Variants in KCTD8 observed in about 807,000 individuals in gnomAD.
KCTD8 encodes the protein potassium channel tetramerization domain containing 8, also known as BTB/POZ domain-containing protein KCTD8.
In KCTD8, 27 loss-of-function variants were observed where a neutral mutation model predicts 31.5. That is an observed-to-expected ratio of 0.86 (90% confidence interval 0.63 to 1.18). The LOEUF is 1.18. Among genes scored for constraint, KCTD8 ranks in the 50% most tolerant of loss-of-function variants. KCTD8 has a pLI of 0.00. For synonymous variants in KCTD8, 290 were observed against 280.0 expected (o/e 1.04, Z -0.36); for missense variants, 658 against 647.7 (o/e 1.02, Z -0.17).
At chr4:44,212,232 G>C (rs1271070960) in intron 1 of KCTD8, among the ~76,000 whole-genome samples, 1 of 152,140 alleles carries the variant, frequency 6.6e-6, no homozygotes, top group Admixed American at 6.5e-5. Context: ...ATCTGAACAA[G>C]GTCAGTGGAT....
chr4:44,424,335 C>T (rs889740308), intron 1 of KCTD8, among the ~76,000 whole-genome samples: 1 of 152,074 alleles, frequency 6.6e-6, no homozygotes, highest in African/African-American at 2.4e-5. Flanking sequence ...ACCAAATGTT[C>T]TCACTCCCAA....
At chr4:44,300,377 G>GC (rs1177168219) in intron 1 of KCTD8, among the ~76,000 whole-genome samples, 1 of 151,848 alleles carries the variant, frequency 6.6e-6, no homozygotes, top group Non-Finnish European at 1.5e-5. Flanking sequence ...ATGAGAAAAC[G>GC]TTTTCTGTAT....
chr4:44,279,523 C>A (rs1716842623), intron 1 of KCTD8, among the ~76,000 whole-genome samples: 1 of 152,020 alleles, frequency 6.6e-6, no homozygotes, highest in African/African-American at 2.4e-5. Flanking sequence ...TACACTGGGT[C>A]CACCAGGATA....
rs779243129 is a variant in KCTD8, at chr4:44,448,025, C to A, written c.499G>T (p.Asp167Tyr). 38 of 1,604,940 alleles carry A rather than the reference C, an allele frequency of 2.4e-5. No homozygotes were observed. The highest frequency in any genetic ancestry group is 3.1e-5 in the Non-Finnish European group (37 of 1,176,212). The change falls in exon 1 of 2, where the codon GAC (aspartate) becomes TAC (tyrosine). Residue 167 changes from aspartate to tyrosine, a missense_variant. Coordinates refer to ENST00000360029, the MANE Select transcript of KCTD8 (RefSeq NM_198353.3). This position sits in a 1 kb window ranked among gnomAD's most constrained non-coding sequence, Gnocchi z 4.1. ...TCGCTGCTACCCTGCGAGACGTTGT[C>A]CTCCAGGTCGCTCTGGCAGCCCTCG... ...NDEGCQSDLE[D>Y]NVSQGSSDAL...
intron 1 of KCTD8, among the ~76,000 whole-genome samples, chr4:44,251,243 T>A (rs1715823037): frequency 6.6e-6 from 1 of 151,734 alleles, no homozygotes; most frequent in Admixed American, 6.6e-5. Flanking sequence ...TTAGTAAGTC[T>A]TACCAGTTAG....
At chr4:44,373,793 T>C (rs2109437986) in intron 1 of KCTD8, among the ~76,000 whole-genome samples, 1 of 152,196 alleles carries the variant, frequency 6.6e-6, no homozygotes, top group Admixed American at 6.5e-5. Context: ...CATGCCACAT[T>C]CCCTTCTAAA....
intron 1 of KCTD8, among the ~76,000 whole-genome samples, chr4:44,323,507 C>CT (rs1553901403): frequency 7.4e-6 from 1 of 135,564 alleles, no homozygotes; most frequent in Non-Finnish European, 1.6e-5. Context: ...CCCACCCCCC[C>CT]CCAAAAAAAA....
chr4:44,385,749 TAAAC>T (rs1720196676), intron 1 of KCTD8, among the ~76,000 whole-genome samples: 1 of 151,530 alleles, frequency 6.6e-6, no homozygotes, highest in African/African-American at 2.4e-5. Context: ...CATGATAAAA[TAAAC>T]AGATGAAAAG....
intron 1 of KCTD8, among the ~76,000 whole-genome samples, chr4:44,270,013 C>T (rs1716530777): frequency 6.6e-6 from 1 of 152,044 alleles, no homozygotes; most frequent in Admixed American, 6.5e-5. Flanking sequence ...ACTAGAAATA[C>T]CATTTGACCC....
intron 1 of KCTD8, among the ~76,000 whole-genome samples, chr4:44,212,072 G>GA (rs1179416270): frequency 1.3e-5 from 2 of 152,162 alleles, no homozygotes; most frequent in Admixed American, 1.3e-4. Context: ...ATGGGATAGA[G>GA]ACTAGGGTTG....
At chr4:44,310,071 TTAAA>T (rs777691126) in intron 1 of KCTD8, among the ~76,000 whole-genome samples, 33 of 152,108 alleles carry the variant, frequency 2.2e-4, no homozygotes, top group Non-Finnish European at 4.1e-4. Context: ...CCTGGTATTA[TTAAA>T]TTAGATTCAA....
chr4:44,415,847 CA>C (rs1721067698), intron 1 of KCTD8, among the ~76,000 whole-genome samples: 1 of 152,160 alleles, frequency 6.6e-6, no homozygotes, highest in African/African-American at 2.4e-5. Context: ...AAGACTGTAC[CA>C]GGGCAATGTC....
intron 1 of KCTD8, among the ~76,000 whole-genome samples, chr4:44,401,011 CTTTTTTTT>C (rs59602420): frequency 1.0e-5 from 1 of 95,916 alleles, no homozygotes; most frequent in Non-Finnish European, 2.0e-5. Context: ...AATTTTCTTT[CTTTTTTTT>C]TTTTTTTTTT....
intron 1 of KCTD8, among the ~76,000 whole-genome samples, chr4:44,312,564 G>A (rs11945712): frequency 0.91 from 138,706 of 152,206 alleles, 63,446 homozygotes; most frequent in East Asian, 1. Flanking sequence ...ACTAACTTCT[G>A]TATACACACT....
At chr4:44,414,313 GA>G (rs1226465050) in intron 1 of KCTD8, among the ~76,000 whole-genome samples, 2 of 152,088 alleles carry the variant, frequency 1.3e-5, no homozygotes, top group African/African-American at 2.4e-5. Flanking sequence ...AGGCAGACCT[GA>G]TTGGGTTTTT....
intron 1 of KCTD8, among the ~76,000 whole-genome samples, chr4:44,229,656 G>A (rs554591392): frequency 6.6e-6 from 1 of 152,150 alleles, no homozygotes; most frequent in South Asian, 2.1e-4. Context: ...GTCTCTTCCA[G>A]GCATACTTTT....
chr4:44,225,088 G>C (rs1222736713), intron 1 of KCTD8, among the ~76,000 whole-genome samples: 1 of 152,098 alleles, frequency 6.6e-6, no homozygotes, highest in African/African-American at 2.4e-5. Context: ...ACTCTTTGAC[G>C]GGCAGTTAGT....
chr4:44,268,799 AAG>A (rs1315325002), intron 1 of KCTD8, among the ~76,000 whole-genome samples: 24 of 152,066 alleles, frequency 1.6e-4, no homozygotes, highest in Admixed American at 1.6e-3. Context: ...AATTGCTTCA[AAG>A]AGAATAAAAT....
At chr4:44,284,117 G>GA (rs979964148) in intron 1 of KCTD8, among the ~76,000 whole-genome samples, 9 of 151,320 alleles carry the variant, frequency 5.9e-5, no homozygotes, top group East Asian at 3.9e-4. Flanking sequence ...CACAGAATTC[G>GA]AAAAAAAACT....
Sources: gnomAD v4.1 joint callset for allele counts (sites outside exome capture counted in the v4.1 genomes callset) on GRCh38, gnomAD v4.1.1 for gene constraint, Gnocchi (gnomAD v3.1) non-coding constraint, MANE v1.5 for transcripts, NCBI Gene and HGNC (gene_info 2026-07-23, HGNC 2026-07-21) for gene names.